Variants in SGCD observed in about 807,000 individuals in gnomAD.
SGCD encodes the protein sarcoglycan delta.
SGCD carries 18 observed loss-of-function variants against 36.6 expected under a neutral mutation model. The observed-to-expected ratio is 0.49, with a 90% CI of 0.34 to 0.73. The LOEUF (loss-of-function observed/expected upper bound fraction) is 0.73. SGCD is among the 30% of genes least tolerant of loss of function. The probability of loss-of-function intolerance (pLI) is 0.01; values close to 1 mark genes in which losing one functional copy is unlikely to be tolerated. For synonymous variants in SGCD, 133 were observed against 130.6 expected, an observed-to-expected ratio of 1.02 and a Z score of -0.12; for missense variants, 387 against 346.7, an observed-to-expected ratio of 1.12 and a Z score of -0.92.
intron 6 of SGCD, among the ~76,000 whole-genome samples, chr5:156,619,126 C>T (rs370228424): frequency 2.0e-5 from 3 of 151,844 alleles, no homozygotes; most frequent in African/African-American, 7.3e-5. Context: ...CCCAGCTTCA[C>T]GCCATTCGCC....
chr5:155,873,473 T>C (rs1755702537), intron 1 of SGCD, among the ~76,000 whole-genome samples: 1 of 152,064 alleles, frequency 6.6e-6, no homozygotes, highest in Non-Finnish European at 1.5e-5. Context: ...AGATAAATAA[T>C]GTGTACACAT....
intron 1 of SGCD, among the ~76,000 whole-genome samples, chr5:156,038,312 G>A (rs1247239386): frequency 2.6e-5 from 4 of 152,144 alleles, no homozygotes; most frequent in East Asian, 1.9e-4. Context: ...TGAAGAGACT[G>A]TCATAGATTG....
At chr5:156,042,246 G>A (rs2127578617) in intron 1 of SGCD, among the ~76,000 whole-genome samples, 1 of 151,608 alleles carries the variant, frequency 6.6e-6, no homozygotes, top group East Asian at 1.9e-4. Flanking sequence ...AGAAGTATGT[G>A]TCAGGTGTTA....
chr5:156,484,864 C>G (rs1322904500), intron 3 of SGCD, among the ~76,000 whole-genome samples: 3 of 152,132 alleles, frequency 2.0e-5, no homozygotes, highest in Non-Finnish European at 4.4e-5. Flanking sequence ...CAGGGGTCAT[C>G]TTGGTTAAAT....
rs558960213 is a variant in SGCD, at chr5:156,403,009, T to C, written c.192+58332T>C. 2.4e-4 allele frequency among the ~76,000 whole-genome samples: 37 copies of C among 152,348 alleles called. No individual in the cohort carries two copies. In the South Asian group the frequency reaches 7.0e-3, roughly 29 times the overall value. On this transcript the variant is annotated intron_variant, in intron 3 of 8. Transcript: ENST00000337851. ...TGATAGCCGCGGTCTTTTGGCAAGA[T>C]AGCAGAAGTTAGGTATTATTCCTAT...
intron 8 of SGCD, chr5:156,757,947 A>G (rs1581539845): frequency 7.9e-7 from 1 of 1,268,642 alleles, no homozygotes; most frequent in Non-Finnish European, 1.0e-6. Flanking sequence ...ACAGAATTAT[A>G]TGACCATGAA....
chr5:156,013,182 A>T (rs562026634), intron 1 of SGCD, among the ~76,000 whole-genome samples: 2 of 151,400 alleles, frequency 1.3e-5, no homozygotes, highest in South Asian at 4.2e-4. Context: ...ACGCCACCAC[A>T]CCCGGCTAAT....
chr5:156,726,704 A>G (rs1381773648), intron 7 of SGCD, among the ~76,000 whole-genome samples: 1 of 152,156 alleles, frequency 6.6e-6, no homozygotes, highest in East Asian at 1.9e-4. Flanking sequence ...TAGCCGCGCC[A>G]GGCCCAGCTC....
At chr5:156,337,303 T>C (rs560987346) in intron 2 of SGCD, among the ~76,000 whole-genome samples, 2 of 152,324 alleles carry the variant, frequency 1.3e-5, no homozygotes, top group African/African-American at 4.8e-5. Flanking sequence ...ACTTTTAAAT[T>C]CACCCAATTT....
the SGCD span, among the ~76,000 whole-genome samples, chr5:155,852,958 G>A: frequency 1.3e-5 from 2 of 151,996 alleles, no homozygotes; most frequent in East Asian, 1.9e-4. Context: ...ATTTTTGTAC[G>A]AATTGGGACA....
intron 4 of SGCD, among the ~76,000 whole-genome samples, chr5:156,521,451 T>C (rs10061057): frequency 5.3e-5 from 8 of 152,082 alleles, no homozygotes; most frequent in African/African-American, 1.9e-4. Context: ...TTGCAATCTA[T>C]CCATCTGAGA....
At chr5:155,738,677 AGT>A in the SGCD span, among the ~76,000 whole-genome samples, 6,968 of 148,708 alleles carry the variant, frequency 0.047, 501 homozygotes, top group African/African-American at 0.16. Flanking sequence ...TGTGTAGGAG[AGT>A]GTGTGTGTGA....
intron 7 of SGCD, among the ~76,000 whole-genome samples, chr5:156,699,425 C>T (rs988297971): frequency 2.6e-5 from 4 of 152,040 alleles, no homozygotes; most frequent in Non-Finnish European, 4.4e-5. Flanking sequence ...TGTTCCTTTA[C>T]TATCAGTACC....
intron 3 of SGCD, among the ~76,000 whole-genome samples, chr5:156,138,209 G>A (rs976154960): frequency 3.9e-5 from 6 of 152,104 alleles, no homozygotes; most frequent in African/African-American, 1.4e-4. Context: ...AGACCAGCCT[G>A]ACCAACATGG....
chr5:156,116,867 T>C (rs1028179929), intron 1 of SGCD, among the ~76,000 whole-genome samples: 3 of 152,110 alleles, frequency 2.0e-5, no homozygotes, highest in Non-Finnish European at 2.9e-5. Context: ...ACTCTTCTTT[T>C]TGAGTGCCAA....
chr5:156,369,476 A>G (rs1770273550), intron 3 of SGCD, among the ~76,000 whole-genome samples: 1 of 152,206 alleles, frequency 6.6e-6, no homozygotes, highest in Admixed American at 6.5e-5. Flanking sequence ...TTTGTCTAGC[A>G]GAAGTGTATT....
intron 3 of SGCD, among the ~76,000 whole-genome samples, chr5:156,312,931 T>A (rs1210067837): frequency 6.6e-6 from 1 of 152,160 alleles, no homozygotes; most frequent in Non-Finnish European, 1.5e-5. Flanking sequence ...GTTTATTTTT[T>A]AACTAACTTT....
At chr5:156,236,222 A>G (rs1187222169) in intron 3 of SGCD, among the ~76,000 whole-genome samples, 2 of 152,212 alleles carry the variant, frequency 1.3e-5, no homozygotes, top group African/African-American at 2.4e-5. Context: ...ATTTGAGAAT[A>G]GGACAAGATT....
intron 7 of SGCD, among the ~76,000 whole-genome samples, chr5:156,727,153 C>G (rs1339462735): frequency 1.3e-5 from 2 of 152,086 alleles, no homozygotes; most frequent in Non-Finnish European, 2.9e-5. Flanking sequence ...GAATGTACAG[C>G]CAAGTAGCAG....
Sources: allele counts gnomAD v4.1 joint callset (sites outside exome capture counted in the v4.1 genomes callset), GRCh38; gene constraint gnomAD v4.1.1; transcripts MANE v1.5; gene names NCBI Gene and HGNC (gene_info 2026-07-23, HGNC 2026-07-21).